Variants in RBFOX2 observed in about 807,000 individuals in gnomAD.
RBFOX2 encodes RNA binding fox-1 homolog 2, also known as RNA binding protein fox-1 homolog 2.
RBFOX2 carries 10 observed loss-of-function variants against 49.1 expected under a neutral mutation model. That is an observed-to-expected ratio of 0.20 (90% confidence interval 0.13 to 0.35). The LOEUF is 0.35. RBFOX2 is among the 10% of genes least tolerant of loss of function. RBFOX2 has a pLI of 1.00. For missense variants in RBFOX2, 323 were observed against 486.9 expected (o/e 0.66, Z 3.17); for synonymous variants, 183 against 187.4 (o/e 0.98, Z 0.19).
chr22:35,781,577 A>G, intron 3 of RBFOX2, 23 bp downstream of exon 4: 5 of 1,606,232 alleles, frequency 3.1e-6, no homozygotes, highest in Non-Finnish European at 4.2e-6. Context: ...TGTAAAATCC[A>G]TAAAAAGACT....
intron 1 of RBFOX2, among the ~76,000 whole-genome samples, chr22:35,915,538 A>C (rs2050314625): frequency 6.6e-6 from 1 of 152,222 alleles, no homozygotes; most frequent in African/African-American, 2.4e-5. Flanking sequence ...CAGGGACTCC[A>C]CACGACTGGT....
intron 1 of RBFOX2, among the ~76,000 whole-genome samples, chr22:36,010,341 G>A (rs1298846278): frequency 6.6e-6 from 1 of 152,100 alleles, no homozygotes; most frequent in African/African-American, 2.4e-5. Flanking sequence ...AGCATCTGGT[G>A]CCCTGCCGGC....
rs564436799 is a variant in RBFOX2, at chr22:35,785,410, T to C, written c.253-3664A>G. 2.6e-5 allele frequency among the ~76,000 whole-genome samples: 4 copies of C among 152,312 alleles called. No homozygotes were observed. In the East Asian group the frequency reaches 5.8e-4, roughly 22 times the overall value. On this transcript the variant is annotated intron_variant, in intron 2 of 11. Coordinates refer to ENST00000405409, the Ensembl canonical transcript of RBFOX2. ...GCTTGCTGAGCTGATTAAACCAACA[T>C]ACTTTTAAAACAGGAGTGGAACTTG...
At chr22:35,840,412 T>C in exon 1 of RBFOX2, 1 of 1,472,490 alleles carries the variant, frequency 6.8e-7, no homozygotes, top group African/African-American at 1.4e-5. Flanking sequence ...TGGCAGTCTC[T>C]CCCCCTCCTT....
intron 1 of RBFOX2, among the ~76,000 whole-genome samples, chr22:35,889,130 G>A (rs1035697971): frequency 7.9e-5 from 12 of 152,202 alleles, no homozygotes; most frequent in African/African-American, 2.6e-4. Flanking sequence ...GCTCCAGGGT[G>A]GGTGACAAAG....
At chr22:36,001,308 G>A (rs968479725) in intron 1 of RBFOX2, among the ~76,000 whole-genome samples, 1 of 151,372 alleles carries the variant, frequency 6.6e-6, no homozygotes, top group African/African-American at 2.4e-5. Flanking sequence ...AGCTGAATGG[G>A]AAACTGCAAC....
chr22:35,918,700 G>T (rs1166085251), intron 1 of RBFOX2, among the ~76,000 whole-genome samples: 1 of 151,710 alleles, frequency 6.6e-6, no homozygotes, highest in African/African-American at 2.4e-5. Context: ...TATTGTAGGG[G>T]GCAATGGTGC....
intron 1 of RBFOX2, among the ~76,000 whole-genome samples, chr22:35,991,091 C>T (rs1159576061): frequency 6.6e-6 from 1 of 151,954 alleles, no homozygotes; most frequent in Non-Finnish European, 1.5e-5. Flanking sequence ...GAGACCCCAT[C>T]TCTAAATTTT....
intron 6 of RBFOX2, among the ~76,000 whole-genome samples, chr22:35,762,885 T>C (rs1939468183): frequency 1.3e-5 from 2 of 152,240 alleles, no homozygotes; most frequent in Admixed American, 1.3e-4. Context: ...AGTGAAAACC[T>C]ATTCACTCTG....
At chr22:35,928,899 C>T (rs951053880) in intron 1 of RBFOX2, among the ~76,000 whole-genome samples, 2 of 152,040 alleles carry the variant, frequency 1.3e-5, no homozygotes, top group Non-Finnish European at 2.9e-5. Context: ...TTACCATACA[C>T]TCATTATAAC....
intron 4 of RBFOX2, among the ~76,000 whole-genome samples, chr22:35,773,298 G>T (rs1014856404): frequency 1.2e-4 from 18 of 151,996 alleles, no homozygotes; most frequent in Non-Finnish European, 2.1e-4. Context: ...TCTAAGGAAT[G>T]GGAATAGAAG....
chr22:35,847,153 C>A (rs1345220550), intron 1 of RBFOX2, among the ~76,000 whole-genome samples: 1 of 152,152 alleles, frequency 6.6e-6, no homozygotes, highest in Non-Finnish European at 1.5e-5. Context: ...TATCTCCTTA[C>A]TCTGCCTGAT....
chr22:35,814,834 C>G (rs1286553125), intron 1 of RBFOX2, among the ~76,000 whole-genome samples: 1 of 151,626 alleles, frequency 6.6e-6, no homozygotes, highest in Non-Finnish European at 1.5e-5. Context: ...GAGGGAGGAT[C>G]TCTTGAGCTC....
chr22:35,755,761 A>G (rs1936696800), intron 9 of RBFOX2, among the ~76,000 whole-genome samples: 1 of 152,120 alleles, frequency 6.6e-6, no homozygotes. Flanking sequence ...ACACGACAAT[A>G]ATAAAAGACT....
intron 1 of RBFOX2, among the ~76,000 whole-genome samples, chr22:35,926,585 C>T (rs779331621): frequency 2.8e-4 from 43 of 152,134 alleles, no homozygotes; most frequent in Non-Finnish European, 5.1e-4. Context: ...CCCAGCAACC[C>T]TAAACTAAGC....
intron 1 of RBFOX2, among the ~76,000 whole-genome samples, chr22:35,974,423 G>T (rs1569516205): frequency 6.6e-6 from 1 of 152,074 alleles, no homozygotes; most frequent in South Asian, 2.1e-4. Context: ...AGTGGCTCAC[G>T]CCTGTTATCC....
chr22:35,761,455 G>A, exon 7 of RBFOX2: 3 of 1,614,066 alleles, frequency 1.9e-6, no homozygotes, highest in South Asian at 1.1e-5. Flanking sequence ...CAACTACTGG[G>A]CTTAATTTCC....
At chr22:35,847,982 G>A (rs573469936) in intron 1 of RBFOX2, among the ~76,000 whole-genome samples, 11 of 151,962 alleles carry the variant, frequency 7.2e-5, no homozygotes, top group African/African-American at 2.7e-4. Flanking sequence ...AGGGGGAGAT[G>A]GTCAATTTCC....
chr22:35,945,631 C>A (rs1200080695), intron 1 of RBFOX2, among the ~76,000 whole-genome samples: 3 of 152,048 alleles, frequency 2.0e-5, no homozygotes, highest in Non-Finnish European at 2.9e-5. Context: ...TTTGTAGGGA[C>A]AAGGTCTCAC....
Sources: allele counts gnomAD v4.1 joint callset (sites outside exome capture counted in the v4.1 genomes callset), GRCh38; gene constraint gnomAD v4.1.1; transcripts MANE v1.5; gene names NCBI Gene and HGNC (gene_info 2026-07-23, HGNC 2026-07-21).